The following STRBP variants were observed in gnomAD, a reference collection of about 807,000 sequenced individuals.
STRBP encodes the protein spermatid perinuclear RNA binding protein, also known as spermatid perinuclear RNA-binding protein.
In STRBP, 13 loss-of-function variants were observed where a neutral mutation model predicts 80.1. The ratio of observed to expected loss-of-function variants is 0.16; its 90% confidence interval spans 0.11 to 0.26. The LOEUF (loss-of-function observed/expected upper bound fraction) is 0.26. STRBP is among the 10% of genes least tolerant of loss of function. The probability of loss-of-function intolerance (pLI) is 1.00; values close to 1 mark genes in which losing one functional copy is unlikely to be tolerated. For synonymous variants in STRBP, 284 were observed against 291.2 expected (o/e 0.98, Z 0.25); for missense variants, 485 against 815.2 (o/e 0.59, Z 4.93).
intron 2 of STRBP, among the ~76,000 whole-genome samples, chr9:123,224,284 C>G (rs2040166186): frequency 6.6e-6 from 1 of 152,168 alleles, no homozygotes; most frequent in South Asian, 2.1e-4. Flanking sequence ...TTCCTAACAG[C>G]TGGACACACC....
intron 2 of STRBP, among the ~76,000 whole-genome samples, chr9:123,185,732 G>C (rs1042413457): frequency 6.6e-6 from 1 of 152,088 alleles, no homozygotes. Context: ...GAATCCAGCA[G>C]CCAAAAACGA....
chr9:123,143,634 T>C (rs2036685241), intron 13 of STRBP, among the ~76,000 whole-genome samples: 1 of 152,250 alleles, frequency 6.6e-6, no homozygotes, highest in Non-Finnish European at 1.5e-5. Flanking sequence ...GAATAAGAAT[T>C]CCAATGCATT....
intron 11 of STRBP, among the ~76,000 whole-genome samples, chr9:123,149,309 T>A (rs2036955915): frequency 2.0e-5 from 3 of 152,230 alleles, no homozygotes; most frequent in Admixed American, 2.0e-4. Flanking sequence ...GGCTGAGTAT[T>A]ATATTTCATT....
intron 2 of STRBP, among the ~76,000 whole-genome samples, chr9:123,199,894 C>G (rs945762216): frequency 1.3e-5 from 2 of 152,148 alleles, no homozygotes; most frequent in African/African-American, 4.8e-5. Flanking sequence ...GCTAGTACTT[C>G]CAGAACTATG....
intron 2 of STRBP, among the ~76,000 whole-genome samples, chr9:123,211,892 GA>G (rs2039722370): frequency 6.6e-6 from 1 of 152,042 alleles, no homozygotes. Context: ...CTACATACTA[GA>G]AAGAGAACAA....
chr9:123,127,341 G>A (rs1588446180), intron 18 of STRBP, among the ~76,000 whole-genome samples: 1 of 152,290 alleles, frequency 6.6e-6, no homozygotes, highest in Middle Eastern at 3.4e-3. Flanking sequence ...TGGCAATACA[G>A]GAAGGGCCTT....
At chr9:123,219,489 T>C (rs1001999928) in intron 2 of STRBP, among the ~76,000 whole-genome samples, 2 of 152,228 alleles carry the variant, frequency 1.3e-5, no homozygotes, top group African/African-American at 4.8e-5. Context: ...TGCCTCATAT[T>C]ACAAATTGAA....
Position 123,123,738 on chromosome 9 carries a change from C to T in STRBP, c.*1859G>A, listed in dbSNP as rs1479304563. On this transcript the variant is annotated 3_prime_UTR_variant, in exon 19 of 19. Coordinates refer to ENST00000348403, the MANE Select transcript of STRBP (RefSeq NM_018387.5). ...GACCAATTTCAAATAACAATACAGC[C>T]GCAGCTGCCAATTAATAGTATTCCA... 9 of 985,252 alleles carry T rather than the reference C, an allele frequency of 9.1e-6. No individual in the cohort carries two copies. The highest frequency in any genetic ancestry group is 3.5e-5 in the African/African-American group (2 of 57,280). 61.0% of individuals were successfully genotyped at this position (985,252 alleles called of 1,614,324 possible). A position where few individuals can be genotyped will look rare whatever the true frequency, so the allele number is the denominator to read the frequency against.
chr9:123,116,109 G>A (rs2035640621), intron 2 of STRBP: 1 of 455,962 alleles, frequency 2.2e-6, no homozygotes. Flanking sequence ...CTGCAGGAAT[G>A]AGGGATTTTT....
chr9:123,178,801 T>A (rs1339803424), intron 4 of STRBP, among the ~76,000 whole-genome samples: 1 of 152,222 alleles, frequency 6.6e-6, no homozygotes, highest in Non-Finnish European at 1.5e-5. Context: ...CCATTTTCTT[T>A]CTCTGGCTCT....
chr9:123,245,532 C>T (rs1468617208), intron 1 of STRBP, among the ~76,000 whole-genome samples: 1 of 152,148 alleles, frequency 6.6e-6, no homozygotes, highest in Non-Finnish European at 1.5e-5. Flanking sequence ...TGGGAGCTGC[C>T]ACCACACCCA....
intron 2 of STRBP, among the ~76,000 whole-genome samples, chr9:123,220,127 G>C (rs1484140730): frequency 2.0e-5 from 3 of 152,076 alleles, no homozygotes; most frequent in Non-Finnish European, 4.4e-5. Flanking sequence ...CAAATAAAGA[G>C]GTAAGCATAT....
intron 2 of STRBP, among the ~76,000 whole-genome samples, chr9:123,201,274 G>T (rs1342179992): frequency 6.6e-6 from 1 of 152,074 alleles, no homozygotes; most frequent in East Asian, 1.9e-4. Context: ...TTTTGTTCCT[G>T]TTTCTCCAGT....
intron 13 of STRBP, among the ~76,000 whole-genome samples, chr9:123,140,541 C>T (rs1029415845): frequency 7.2e-5 from 11 of 152,124 alleles, no homozygotes; most frequent in East Asian, 5.8e-4. Context: ...TTGCAGTGAG[C>T]GGAGATTGCG....
chr9:123,244,449 T>C (rs1016818739), intron 1 of STRBP, among the ~76,000 whole-genome samples: 16 of 152,172 alleles, frequency 1.1e-4, no homozygotes, highest in African/African-American at 3.6e-4. Context: ...ATATAAGCCA[T>C]AGACTAGTTA....
At chr9:123,213,450 TA>T (rs1404690983) in intron 2 of STRBP, 2 of 152,202 alleles carry the variant, frequency 1.3e-5, no homozygotes, top group African/African-American at 4.8e-5. Context: ...CACAAAACCC[TA>T]ACAGTAATAA....
At chr9:123,164,281 A>G (rs1012826912) in intron 6 of STRBP, among the ~76,000 whole-genome samples, 1 of 152,154 alleles carries the variant, frequency 6.6e-6, no homozygotes, top group African/African-American at 2.4e-5. Context: ...TCCTGACCTC[A>G]GGTGATCTGC....
chr9:123,184,114 A>G lies in STRBP; in HGVS notation c.3+18T>C. 6.2e-7 allele frequency: 1 copy of G among 1,605,180 alleles called. No homozygotes were observed. The highest frequency in any genetic ancestry group is 8.5e-7 in the Non-Finnish European group (1 of 1,174,894). ...AGTCTTTTGTAACTAAATTATGAAA[A>G]TATCCACAATAACCTACCATGGTTT... On this transcript the variant is annotated intron_variant, in intron 3 of 18. Coordinates refer to ENST00000348403, the MANE Select transcript of STRBP (RefSeq NM_018387.5).
At chr9:123,139,978 G>C (rs1204226177) in intron 13 of STRBP, among the ~76,000 whole-genome samples, 2 of 152,160 alleles carry the variant, frequency 1.3e-5, no homozygotes, top group Non-Finnish European at 2.9e-5. Flanking sequence ...GTGAGAGGTA[G>C]AGAAAACAAA....
Sources: gnomAD v4.1 joint callset for allele counts (sites outside exome capture counted in the v4.1 genomes callset) on GRCh38, gnomAD v4.1.1 for gene constraint, MANE v1.5 for transcripts, NCBI Gene and HGNC (gene_info 2026-07-23, HGNC 2026-07-21) for gene names.